The following DNAH8 variants were observed in gnomAD, a reference collection of about 807,000 sequenced individuals.
DNAH8 encodes the protein axonemal beta dynein heavy chain 8.
DNAH8 carries 382 observed loss-of-function variants against 562.1 expected under a neutral mutation model. The observed-to-expected ratio is 0.68, with a 90% CI of 0.63 to 0.74. The LOEUF is 0.74. Among genes scored for constraint, DNAH8 ranks in the 30% least tolerant of loss-of-function variants. The pLI, the probability that DNAH8 is intolerant of heterozygous loss-of-function variation, is 0.00. For missense variants in DNAH8, 5,203 were observed against 5,620.4 expected (o/e 0.93, Z 2.37); for synonymous variants, 1,881 against 1,919.4 (o/e 0.98, Z 0.52).
In DNAH8 at chr6:38,924,050, A is replaced by T. The variant is rs149318458; in HGVS notation, c.10850A>T (p.Gln3617Leu). 69 of 1,613,876 alleles carry T rather than the reference A, an allele frequency of 4.3e-5. No individual in the cohort carries two copies. The highest frequency in any genetic ancestry group is 5.8e-5 in the Non-Finnish European group (68 of 1,179,924). The stretch of plus-strand genomic sequence containing the variant: ...CTTTCCTACCTTGGTCCTTTCAATC[A>T]GATATTTAGGAACTATTTGCTTAAA... ...GFLSYLGPFN[Q>L]IFRNYLLKDQ... is the part of the protein sequence containing the mutation. Residue 3617 changes from glutamine (Q) to leucine (L), a missense_variant, in exon 73 of 93, where the codon CAG (glutamine) becomes CTG (leucine). Gln to Leu is a moderately radical substitution (Grantham distance 113). Around this residue, in one of 6 missense-constraint regions of DNAH8, gnomAD observed 1,399 missense variants for 1,518.4 expected, o/e 0.92. Transcript: ENST00000327475.
intron 85 of DNAH8, among the ~76,000 whole-genome samples, chr6:38,979,431 C>A (rs927804856): frequency 6.6e-6 from 1 of 152,110 alleles, no homozygotes; most frequent in Non-Finnish European, 1.5e-5. Context: ...TCCAGCAAAA[C>A]CCCTTGCTTT....
intron 88 of DNAH8, among the ~76,000 whole-genome samples, chr6:39,006,934 T>C (rs1765833884): frequency 6.6e-6 from 1 of 152,188 alleles, no homozygotes; most frequent in Non-Finnish European, 1.5e-5. Context: ...ACCTCAGGTA[T>C]GAGGGCTTCT....
At chr6:38,865,125 G>A (rs1262385316) in intron 45 of DNAH8, among the ~76,000 whole-genome samples, 2 of 152,158 alleles carry the variant, frequency 1.3e-5, no homozygotes, top group African/African-American at 2.4e-5. Flanking sequence ...TGTATCACCA[G>A]TTTTAAAGCT....
At chr6:38,889,228 A>G (rs1169861672) in intron 57 of DNAH8, among the ~76,000 whole-genome samples, 2 of 152,252 alleles carry the variant, frequency 1.3e-5, no homozygotes, top group Admixed American at 1.3e-4. Flanking sequence ...TGCTTTCACC[A>G]TGGATGAAGC....
chr6:38,776,012 G>T (rs1433118256), intron 13 of DNAH8, 61 bp downstream of exon 13: 1 of 1,019,686 alleles, frequency 9.8e-7, no homozygotes, highest in Non-Finnish European at 1.5e-6. Context: ...GTACTATCTG[G>T]TACTTTTTGT....
At position 38,971,672 on chromosome 6, in the gene DNAH8, G is replaced by A. The variant is rs1344574332; in HGVS notation, c.12525+7G>A. On this transcript the variant is annotated splice_region_variant and intron_variant, in intron 83 of 92. Transcript: ENST00000327475. ...TCAGATGTCAATGCAGCAGGTATGT[G>A]ACAAGAGACTGCTCCTGCTGCAACA... 6.3e-7 allele frequency: 1 copy of A among 1,589,726 alleles called. No individual in the cohort carries two copies. The highest frequency in any genetic ancestry group is 8.6e-7 in the Non-Finnish European group (1 of 1,168,114).
chr6:38,892,481 T>TGATTTATGTCTTCCTC (rs1779404507), intron 58 of DNAH8, among the ~76,000 whole-genome samples: 1 of 152,176 alleles, frequency 6.6e-6, no homozygotes, highest in Admixed American at 6.5e-5. Context: ...GCACCATCCT[T>TGATTTATGTCTTCCTC]GATTTATGTC....
rs2179711 is a variant in DNAH8 at position 38,862,099 on chromosome 6, G to A, written c.6132-181G>A. Among the ~76,000 whole-genome samples, 64,056 of 151,838 alleles carry A rather than the reference G, an allele frequency of 0.42. 14,156 individuals are homozygous for A. Among genetic ancestry groups the A allele is most frequent in the East Asian group, 0.69 (3,580 of 5,162 alleles). On this transcript the variant is annotated intron_variant, in intron 43 of 92. Transcript: ENST00000327475. ...GAAATTAGTCTCAAGAAATCTTTGG[G>A]CTCACTGTAGTACTTTTAATGAATA...
chr6:38,830,423 A>G (rs1439919746), intron 30 of DNAH8, among the ~76,000 whole-genome samples: 1 of 151,716 alleles, frequency 6.6e-6, no homozygotes, highest in Non-Finnish European at 1.5e-5. Context: ...TCACAAGTTC[A>G]GGAGGTCGAG....
chr6:38,756,092 G>T lies in DNAH8; in HGVS notation c.1515+13G>T. 6 of 1,450,860 alleles carry T rather than the reference G, an allele frequency of 4.1e-6. No individual in the cohort carries two copies. The highest frequency in any genetic ancestry group is 4.8e-6 in the Non-Finnish European group (5 of 1,032,334). 89.9% of individuals were successfully genotyped at this position (1,450,860 alleles called of 1,614,324 possible). On this transcript the variant is annotated intron_variant, in intron 10 of 92. Transcript: ENST00000327475. ...ATTGTTTATCAAGGTAAGTTTCTGT[G>T]GGAGGAAATTACATGTCATCCTGTG...
intron 79 of DNAH8, 125 bp downstream of exon 79, chr6:38,939,113 G>A: frequency 2.6e-6 from 2 of 759,062 alleles, no homozygotes; most frequent in South Asian, 3.2e-5. Flanking sequence ...GTTTAATTAA[G>A]TTTTATTTTT....
chr6:38,792,180 C>T (rs559313720), intron 21 of DNAH8, among the ~76,000 whole-genome samples: 3 of 152,212 alleles, frequency 2.0e-5, no homozygotes, highest in South Asian at 2.1e-4. Flanking sequence ...CTCTGCCTCC[C>T]GGGTTCAAGT....
intron 61 of DNAH8, 100 bp from the exon 62 acceptor site, chr6:38,899,673 TATC>T (rs2150505852): frequency 1.6e-6 from 2 of 1,276,866 alleles, no homozygotes; most frequent in East Asian, 5.0e-5. Context: ...AAAAGTCTAA[TATC>T]ATCTAGAAAC....
intron 91 of DNAH8, among the ~76,000 whole-genome samples, chr6:39,020,610 C>T (rs139629477): frequency 1.3e-5 from 2 of 152,288 alleles, no homozygotes; most frequent in African/African-American, 4.8e-5. Flanking sequence ...TGGTTTGCTG[C>T]ACCTATCATC....
At chr6:38,805,846 A>G (rs1041614006) in intron 23 of DNAH8, among the ~76,000 whole-genome samples, 1 of 152,322 alleles carries the variant, frequency 6.6e-6, no homozygotes, top group African/African-American at 2.4e-5. Flanking sequence ...GTGATTGACC[A>G]TGTTTTCTCA....
At chr6:38,825,719 A>G (rs1012562929) in intron 28 of DNAH8, among the ~76,000 whole-genome samples, 2 of 152,142 alleles carry the variant, frequency 1.3e-5, no homozygotes, top group Admixed American at 1.3e-4. Flanking sequence ...TACTCTGACC[A>G]TGTGGATGAT....
intron 48 of DNAH8, among the ~76,000 whole-genome samples, chr6:38,868,789 G>A (rs62396411): frequency 0.16 from 23,840 of 151,618 alleles, 2,257 homozygotes; most frequent in Non-Finnish European, 0.21. Flanking sequence ...CCCTGCCCCA[G>A]CCTCCTGAGT....
At chr6:39,022,035 A>G (rs1311931275) in intron 91 of DNAH8, among the ~76,000 whole-genome samples, 1 of 152,246 alleles carries the variant, frequency 6.6e-6, no homozygotes, top group Non-Finnish European at 1.5e-5. Context: ...TGGACACATA[A>G]CAAGTGTTAC....
intron 8 of DNAH8, among the ~76,000 whole-genome samples, chr6:38,748,333 G>A (rs1471962310): frequency 6.6e-6 from 1 of 152,154 alleles, no homozygotes; most frequent in Non-Finnish European, 1.5e-5. Flanking sequence ...ATTGAGGAGG[G>A]AGGGAAAGAA....
Sources: gnomAD v4.1 joint callset for allele counts (sites outside exome capture counted in the v4.1 genomes callset) on GRCh38, gnomAD v4.1.1 for gene constraint, gnomAD v4.1.1 regional missense constraint, MANE v1.5 for transcripts, NCBI Gene and HGNC (gene_info 2026-07-23, HGNC 2026-07-21) for gene names.